The following LAMB1 variants were observed in gnomAD, a reference collection of about 807,000 sequenced individuals.
The protein encoded by LAMB1 is laminin subunit beta 1.
LAMB1 carries 121 observed loss-of-function variants against 222.3 expected under a neutral mutation model. That is an observed-to-expected ratio of 0.54 (90% CI 0.47 to 0.63). The LOEUF (loss-of-function observed/expected upper bound fraction) is 0.63, where lower values mean the gene tolerates loss of function less well. Ranked by LOEUF, LAMB1 falls within the 30% of genes least tolerant of loss-of-function variation. LAMB1 has a pLI of 0.00. For missense variants in LAMB1, 2,172 were observed against 2,240.8 expected (o/e 0.97, Z 0.62); for synonymous variants, 794 against 807.2 (o/e 0.98, Z 0.28).
intron 4 of LAMB1, among the ~76,000 whole-genome samples, chr7:107,995,676 C>T (rs147735731): frequency 3.3e-4 from 50 of 152,298 alleles, no homozygotes; most frequent in Admixed American, 2.8e-3. Flanking sequence ...CACTTAAACA[C>T]GTTAAAAAGG....
At chr7:107,984,231 G>A (rs1035150933) in intron 7 of LAMB1, among the ~76,000 whole-genome samples, 17 of 151,938 alleles carry the variant, frequency 1.1e-4, no homozygotes, top group African/African-American at 3.4e-4. Flanking sequence ...CAGAAGTGAC[G>A]TGTGCAACTT....
At position 108,002,949 on chromosome 7, in the gene LAMB1, G is replaced by A; in HGVS notation, c.-64C>T. 6.2e-7 allele frequency: 1 copy of A among 1,609,060 alleles called. No individual in the cohort carries two copies. The highest frequency in any genetic ancestry group is 1.1e-5 in the South Asian group (1 of 90,362). ...GGAGAAGACGCCCGCCGAGCCGCCT[G>A]CCCTTTCTTCCCGTCTTCCTTTCTG... On this transcript the variant is annotated 5_prime_UTR_variant, in exon 2 of 34. Coordinates refer to ENST00000222399, the MANE Select transcript of LAMB1 (RefSeq NM_002291.3).
chr7:107,926,085 G>T, intron 32 of LAMB1, 98 bp downstream of exon 32: 1 of 853,424 alleles, frequency 1.2e-6, no homozygotes, highest in Non-Finnish European at 1.9e-6. Flanking sequence ...GATGAATTCT[G>T]TTTCTGTTAG....
chr7:107,962,485 G>A (rs971095670), intron 15 of LAMB1, among the ~76,000 whole-genome samples: 1 of 152,122 alleles, frequency 6.6e-6, no homozygotes, highest in East Asian at 1.9e-4. Context: ...AGGCTGAGGC[G>A]GGCGAATCAC....
rs11458116 is a variant in LAMB1, at chr7:107,983,547, CTTTTTTTTTTTTTT to C, written c.676+2461_676+2474del. ...TCCAGGACTTTGTGACTCCAAAGCC[CTTTTTTTTTTTTTT>C]TTTTTTTTTGAGACAGAGTCTTGCT... On this transcript the variant is annotated intron_variant, in intron 7 of 33. Coordinates refer to ENST00000222399, the MANE Select transcript of LAMB1 (RefSeq NM_002291.3). Among the ~76,000 whole-genome samples, 14 of 111,142 alleles carry C rather than the reference CTTTTTTTTTTTTTT, an allele frequency of 1.3e-4. No homozygotes were observed. In the East Asian group the frequency reaches 3.8e-3, roughly 30 times the overall value. The allele number at this position is 111,142 out of a possible 152,430, so 72.9% of individuals were successfully genotyped here. A position where few individuals can be genotyped will look rare whatever the true frequency, so the allele number is the denominator to read the frequency against.
At chr7:107,976,880 T>TCCC in intron 9 of LAMB1, among the ~76,000 whole-genome samples, 1 of 72,972 alleles carries the variant, frequency 1.4e-5, no homozygotes, top group African/African-American at 6.2e-5. Flanking sequence ...TCCTTTCCTC[T>TCCC]TGCTCCTTCC....
At chr7:107,932,975 G>A (rs1371293863) in intron 27 of LAMB1, among the ~76,000 whole-genome samples, 1 of 152,208 alleles carries the variant, frequency 6.6e-6, no homozygotes, top group Admixed American at 6.5e-5. Context: ...GCTGTTGGCT[G>A]GTGGGATTTG....
intron 13 of LAMB1, among the ~76,000 whole-genome samples, chr7:107,970,809 G>T (rs1354198397): frequency 2.6e-5 from 4 of 151,296 alleles, no homozygotes; most frequent in Non-Finnish European, 5.9e-5. Context: ...TTGGTTCACT[G>T]CAACCTCTGT....
At chr7:107,966,687 G>A (rs1032806425) in intron 13 of LAMB1, among the ~76,000 whole-genome samples, 2 of 152,184 alleles carry the variant, frequency 1.3e-5, no homozygotes, top group Admixed American at 1.3e-4. Flanking sequence ...TGTTTACTGA[G>A]ACAACAAATA....
At chr7:107,994,606 C>T (rs2150452887) in intron 5 of LAMB1, among the ~76,000 whole-genome samples, 1 of 152,302 alleles carries the variant, frequency 6.6e-6, no homozygotes, top group East Asian at 1.9e-4. Flanking sequence ...AAAGGGTCAA[C>T]ACTGCCTTAC....
intron 33 of LAMB1, 53 bp from the exon 34 acceptor site, chr7:107,924,140 TCAAGA>T (rs1336076798): frequency 6.6e-7 from 1 of 1,526,366 alleles, no homozygotes; most frequent in Non-Finnish European, 8.8e-7. Flanking sequence ...TATGATGATC[TCAAGA>T]CAAAGTGAAT....
chr7:107,964,843 C>T (rs1464569458), intron 13 of LAMB1, among the ~76,000 whole-genome samples, 156 bp from the exon 14 acceptor site: 2 of 152,162 alleles, frequency 1.3e-5, no homozygotes, highest in East Asian at 1.9e-4. Flanking sequence ...AAAAGTAGTG[C>T]CTATGGATTA....
chr7:107,946,465 CTG>C (rs1019189783), intron 24 of LAMB1, among the ~76,000 whole-genome samples: 16 of 152,348 alleles, frequency 1.1e-4, no homozygotes, highest in African/African-American at 3.8e-4. Context: ...TCAGGCCATT[CTG>C]TCTCTGTTAT....
chr7:107,948,985 G>A (rs1041124463), intron 24 of LAMB1, among the ~76,000 whole-genome samples: 1 of 152,194 alleles, frequency 6.6e-6, no homozygotes, highest in Non-Finnish European at 1.5e-5. Context: ...CTTAAACCAG[G>A]TTTCCTTGCA....
intron 24 of LAMB1, among the ~76,000 whole-genome samples, chr7:107,950,632 T>C (rs933097132): frequency 6.6e-6 from 1 of 152,208 alleles, no homozygotes; most frequent in Non-Finnish European, 1.5e-5. Context: ...CCCCTGACCT[T>C]GGAGCCCTTT....
At chr7:107,978,501 C>A (rs2033913176) in intron 8 of LAMB1, among the ~76,000 whole-genome samples, 1 of 148,268 alleles carries the variant, frequency 6.7e-6, no homozygotes, top group African/African-American at 2.5e-5. Flanking sequence ...TTTAAGAAAA[C>A]CTATTGTAAT....
intron 7 of LAMB1, among the ~76,000 whole-genome samples, chr7:107,981,396 CGAGATTGTGCCATTG>C (rs2033970291): frequency 6.6e-6 from 1 of 150,940 alleles, no homozygotes; most frequent in Non-Finnish European, 1.5e-5. Context: ...TGCAGTGAGC[CGAGATTGTGCCATTG>C]CACTCCAGCC....
At chr7:107,971,764 GAGAC>G in intron 13 of LAMB1, among the ~76,000 whole-genome samples, 1 of 152,324 alleles carries the variant, frequency 6.6e-6, no homozygotes, top group African/African-American at 2.4e-5. Context: ...TGCGTGGGTG[GAGAC>G]AGACAGGAAG....
intron 9 of LAMB1, among the ~76,000 whole-genome samples, chr7:107,976,844 T>C (rs1232495293): frequency 7.1e-6 from 1 of 140,956 alleles, no homozygotes; most frequent in African/African-American, 2.7e-5. Context: ...TCTCTCTCCT[T>C]CCTTCCTTTC....
Sources: allele counts gnomAD v4.1 joint callset (sites outside exome capture counted in the v4.1 genomes callset), GRCh38; gene constraint gnomAD v4.1.1; transcripts MANE v1.5; gene names NCBI Gene and HGNC (gene_info 2026-07-23, HGNC 2026-07-21).